NLRC4: variants seen among roughly 807,000 people sequenced by gnomAD.
NLRC4 encodes the protein NLR family CARD domain-containing protein 4.
In NLRC4, 63 loss-of-function variants were observed where a neutral mutation model predicts 79.9. The observed-to-expected ratio is 0.79, with a 90% CI of 0.64 to 0.97. The LOEUF (loss-of-function observed/expected upper bound fraction) is 0.97, where lower values mean the gene tolerates loss of function less well. NLRC4 is among the 50% of genes least tolerant of loss of function. NLRC4 has a pLI of 0.00. For missense variants in NLRC4, 1,074 were observed against 1,215.2 expected, an observed-to-expected ratio of 0.88 and a Z score of 1.73; for synonymous variants, 461 against 456.5, an observed-to-expected ratio of 1.01 and a Z score of -0.12.
At position 32,250,417 on chromosome 2, in the gene NLRC4, T is replaced by C. The variant is rs1257158081; in HGVS notation, c.1447A>G (p.Ile483Val). The C allele has an allele frequency of 6.2e-6, 10 of 1,614,202 alleles. No homozygotes were observed. The East Asian group carries it at 2.2e-4, about 36-fold the overall frequency. The part of the protein sequence containing the change: ...YLQKMVSISD[I>V]TSTYSSLLRY... ...AGCAGGCTGCTATAAGTGGATGTAA[T>C]GTCCGAAATGGAAACCATTTTCTGC... The change falls in exon 4 of 9, where the codon ATT (isoleucine) becomes GTT (valine). Residue 483 changes from isoleucine (I) to valine (V), a missense_variant. By Grantham distance (29) the Ile-to-Val change is conservative. Coordinates refer to ENST00000402280, the MANE Select transcript of NLRC4 (RefSeq NM_001199138.2). The surrounding 1 kb of genome is among the most constrained non-coding windows in gnomAD (Gnocchi z 4.9).
At chr2:32,233,253 G>A (rs1686590080) in intron 8 of NLRC4, among the ~76,000 whole-genome samples, 1 of 139,334 alleles carries the variant, frequency 7.2e-6, no homozygotes, top group African/African-American at 2.7e-5. Flanking sequence ...GGGACATACT[G>A]CTTTCACTGT....
intron 1 of NLRC4, among the ~76,000 whole-genome samples, chr2:32,262,396 T>C (rs1168457030): frequency 6.6e-6 from 1 of 152,202 alleles, no homozygotes; most frequent in African/African-American, 2.4e-5. Context: ...CTAAGATGTA[T>C]AAAGTTTTTA....
rs139575795 is a variant in NLRC4 at position 32,244,904 on chromosome 2, G to A, written c.2258-3779C>T. ...AGAGGAAGAAGGAGGAGGAGGAGGAGAAGGAGGAGGAAGAGGAGGAGAATG... is the reference window on the plus strand; with the variant it reads ...AGAGGAAGAAGGAGGAGGAGGAGGAAAAGGAGGAGGAAGAGGAGGAGAATG... On this transcript the variant is annotated intron_variant, in intron 4 of 8. Transcript: ENST00000402280. Among the ~76,000 whole-genome samples, 631 of 151,926 alleles carry A rather than the reference G, an allele frequency of 4.2e-3. 9 individuals carry two copies. Among genetic ancestry groups the A allele is most frequent in the African/African-American group, 0.015 (621 of 41,418 alleles).
At chr2:32,261,658 C>G (rs1332652396) in intron 1 of NLRC4, among the ~76,000 whole-genome samples, 1 of 151,814 alleles carries the variant, frequency 6.6e-6, no homozygotes, top group African/African-American at 2.4e-5. Flanking sequence ...GTCCTCGATT[C>G]CTTTGGCGTG....
At chr2:32,256,144 G>A (rs1423921142) in intron 2 of NLRC4, among the ~76,000 whole-genome samples, 2 of 151,962 alleles carry the variant, frequency 1.3e-5, no homozygotes, top group African/African-American at 4.8e-5. Context: ...AAAAAATGCT[G>A]CTCATTTATT....
intron 2 of NLRC4, among the ~76,000 whole-genome samples, chr2:32,254,811 T>G (rs1441454754): frequency 6.6e-6 from 1 of 151,678 alleles, no homozygotes; most frequent in Non-Finnish European, 1.5e-5. Flanking sequence ...AGAGATGAGA[T>G]TTCTCTATGT....
At chr2:32,235,639 G>T in intron 7 of NLRC4, 71 bp from the exon 8 acceptor site, 3 of 1,256,758 alleles carry the variant, frequency 2.4e-6, no homozygotes, top group Non-Finnish European at 2.3e-6. Context: ...GGGTGTTAGG[G>T]GAGGAATGAT....
intron 3 of NLRC4, 37 bp downstream of exon 3, chr2:32,252,382 A>G: frequency 1.3e-6 from 2 of 1,511,356 alleles, no homozygotes; most frequent in Non-Finnish European, 1.8e-6. Flanking sequence ...GGTCTATTCT[A>G]CTTGCAGAAA....
At chr2:32,258,868 A>C (rs1430618700) in intron 1 of NLRC4, among the ~76,000 whole-genome samples, 1 of 152,022 alleles carries the variant, frequency 6.6e-6, no homozygotes, top group Admixed American at 6.6e-5. Context: ...TAGATGATCT[A>C]CCCCGGCTCC....
rs1686649033 is a variant in NLRC4, at chr2:32,235,416, CTG to C, written c.2765_2766del (p.Thr922ArgfsTer3). On this transcript the variant is annotated frameshift_variant, in exon 8 of 9. Coordinates refer to ENST00000402280, the MANE Select transcript of NLRC4 (RefSeq NM_001199138.2). LOFTEE classifies it high-confidence loss of function. ...LGLKNWRLTD[T>X]EIRILGAFFG... is the part of the protein sequence containing the mutation. ...GTGTACCTACCTAAAATTCTAATCT[CTG>C]TATCTGTGAGTCTCCAGTTTTTCAA... The C allele has an allele frequency of 3.1e-6, 5 of 1,613,994 alleles. No individual in the cohort carries two copies. The highest frequency in any genetic ancestry group is 3.4e-6 in the Non-Finnish European group (4 of 1,179,826).
chr2:32,233,134 G>GAGGGAGGA (rs1403249629), intron 8 of NLRC4, among the ~76,000 whole-genome samples: 1 of 33,702 alleles, frequency 3.0e-5, no homozygotes, highest in East Asian at 8.9e-4. Context: ...GTGGGGGAGG[G>GAGGGAGGA]AGGAAGGAAG....
At chr2:32,259,972 T>C (rs191550013) in intron 1 of NLRC4, among the ~76,000 whole-genome samples, 32 of 152,284 alleles carry the variant, frequency 2.1e-4, no homozygotes, top group Non-Finnish European at 4.6e-4. Context: ...CTCACGCCTG[T>C]AATCCCAGCA....
Position 32,224,589 on chromosome 2 carries a change from G to C in NLRC4, c.2959C>G (p.Leu987Val), listed in dbSNP as rs949916813. 1 of 1,613,816 alleles carries C rather than the reference G, an allele frequency of 6.2e-7. No individual in the cohort carries two copies. The highest frequency in any genetic ancestry group is 8.5e-7 in the Non-Finnish European group (1 of 1,179,808). ...FLPDPALVRK[L>V]SQVLSKLTFL... ...GTTAACTTGGATAACACTTGGCTAA[G>C]TTTTCTGACTAATGCTGGATCAGGT... The change falls in exon 9 of 9, where the codon CTT becomes GTT. Residue 987 changes from leucine (L) to valine (V), a missense_variant. Transcript: ENST00000402280.
rs1178599982 is a variant in NLRC4, at chr2:32,254,819, TG to T, written c.1+1955del. Among the ~76,000 whole-genome samples, 21 of 151,754 alleles carry T rather than the reference TG, an allele frequency of 1.4e-4. 1 individual carries two copies. Among genetic ancestry groups the T allele is most frequent in the African/African-American group, 4.9e-4 (20 of 41,144 alleles). On this transcript the variant is annotated intron_variant, in intron 2 of 8. Coordinates refer to ENST00000402280, the MANE Select transcript of NLRC4 (RefSeq NM_001199138.2). ...TTTTAGTAGAGATGAGATTTCTCTA[TG>T]TTGGTCAGGCTGGTCTCGAACTCCC... is the stretch of plus-strand genomic sequence containing the variant.
chr2:32,255,967 T>A (rs940406144), intron 2 of NLRC4, among the ~76,000 whole-genome samples: 1 of 150,992 alleles, frequency 6.6e-6, no homozygotes, highest in Admixed American at 6.6e-5. Flanking sequence ...TGAGCCAAGA[T>A]CACACCACTG....
intron 8 of NLRC4, among the ~76,000 whole-genome samples, chr2:32,228,961 T>C (rs1455249012): frequency 6.6e-6 from 1 of 151,776 alleles, no homozygotes; most frequent in African/African-American, 2.4e-5. Flanking sequence ...AGACAGGGTT[T>C]CACCATGTTG....
At chr2:32,227,940 G>C (rs72864001) in intron 8 of NLRC4, among the ~76,000 whole-genome samples, 61 of 152,268 alleles carry the variant, frequency 4.0e-4, no homozygotes, top group African/African-American at 1.3e-3. Flanking sequence ...TGGGTAGAAG[G>C]GTTCTGATTC....
chr2:32,261,316 C>CCTTTTTTTTTTTTTTTT, intron 1 of NLRC4, among the ~76,000 whole-genome samples: 6 of 96,920 alleles, frequency 6.2e-5, no homozygotes, highest in African/African-American at 1.7e-4. Flanking sequence ...AGCCTCCCCC[C>CCTTTTTTTTTTTTTTTT]TTTTGTTTTT....
chr2:32,236,441 T>C (rs927110229), intron 6 of NLRC4, 102 bp from the exon 7 acceptor site: 4 of 693,928 alleles, frequency 5.8e-6, no homozygotes, highest in Non-Finnish European at 9.6e-6. Context: ...TCTCTGCTAA[T>C]GGTAGTGCAA....
Sources: allele counts gnomAD v4.1 joint callset (sites outside exome capture counted in the v4.1 genomes callset), GRCh38; gene constraint gnomAD v4.1.1; non-coding constraint Gnocchi (gnomAD v3.1); transcripts MANE v1.5; gene names NCBI Gene and HGNC (gene_info 2026-07-23, HGNC 2026-07-21).